The following ODAD2 variants were observed in gnomAD, a reference collection of about 807,000 sequenced individuals.
ODAD2 encodes outer dynein arm-docking complex subunit 2.
Under a neutral mutation model 106.8 loss-of-function variants are expected in ODAD2, and 89 were observed. The observed-to-expected ratio is 0.83, with a 90% CI of 0.70 to 0.99. The LOEUF is 0.99. Among genes scored for constraint, ODAD2 ranks in the 50% least tolerant of loss-of-function variants. The probability of loss-of-function intolerance (pLI) is 0.00; values close to 1 mark genes in which losing one functional copy is unlikely to be tolerated. For missense variants in ODAD2, 1,168 were observed against 1,238.5 expected (o/e 0.94, Z 0.85); for synonymous variants, 404 against 436.2 (o/e 0.93, Z 0.92).
chr10:27,912,720 T>C (rs1267320952), intron 16 of ODAD2, among the ~76,000 whole-genome samples: 7 of 152,212 alleles, frequency 4.6e-5, no homozygotes, highest in Non-Finnish European at 1.5e-5. Context: ...TAAGTGTGGT[T>C]TGCTTAAAAG....
intron 19 of ODAD2, among the ~76,000 whole-genome samples, chr10:27,823,855 T>C (rs1564398192): frequency 6.8e-6 from 1 of 146,610 alleles, no homozygotes. Flanking sequence ...ATAAAAATAG[T>C]TCAGGCCGGG....
intron 19 of ODAD2, among the ~76,000 whole-genome samples, chr10:27,835,010 C>A (rs1029928524): frequency 6.6e-6 from 1 of 152,202 alleles, no homozygotes; most frequent in Admixed American, 6.5e-5. Flanking sequence ...CCAGGCCCGA[C>A]AGAACACACA....
intron 18 of ODAD2, among the ~76,000 whole-genome samples, chr10:27,861,235 A>C (rs1840020533): frequency 1.3e-5 from 2 of 152,102 alleles, no homozygotes. Flanking sequence ...CAAGTGATCC[A>C]CTCACTTTGG....
chr10:27,990,172 A>G (rs189120955), intron 2 of ODAD2, among the ~76,000 whole-genome samples: 10 of 152,006 alleles, frequency 6.6e-5, no homozygotes, highest in Non-Finnish European at 1.3e-4. Flanking sequence ...TTAAGAGACA[A>G]GATCTTGCTC....
intron 10 of ODAD2, among the ~76,000 whole-genome samples, chr10:27,950,386 T>G (rs1847247263): frequency 6.6e-6 from 1 of 152,108 alleles, no homozygotes; most frequent in African/African-American, 2.4e-5. Context: ...GCAAATCTAT[T>G]TTACACTGAT....
intron 3 of ODAD2, among the ~76,000 whole-genome samples, chr10:27,987,161 A>AGGTAGC (rs932429095): frequency 7.9e-5 from 12 of 152,240 alleles, no homozygotes; most frequent in Non-Finnish European, 1.3e-4. Context: ...ACCAGTGGTA[A>AGGTAGC]GGTAGCAGGC....
At chr10:27,928,202 C>T (rs1845385635) in intron 16 of ODAD2, among the ~76,000 whole-genome samples, 1 of 152,086 alleles carries the variant, frequency 6.6e-6, no homozygotes, top group Non-Finnish European at 1.5e-5. Flanking sequence ...CAACCATCTT[C>T]TACCAGTAAG....
At chr10:27,985,439 TA>T (rs1163376868) in intron 3 of ODAD2, among the ~76,000 whole-genome samples, 1 of 152,232 alleles carries the variant, frequency 6.6e-6, no homozygotes, top group East Asian at 1.9e-4. Flanking sequence ...ACATCATCTA[TA>T]TATCTCCCTA....
At position 27,862,597 on chromosome 10, in the gene ODAD2, A is replaced by C. The variant is rs1564439886; in HGVS notation, c.2636T>G (p.Phe879Cys). The C allele has an allele frequency of 6.2e-7, 1 of 1,608,948 alleles. No individual in the cohort carries two copies. The highest frequency in any genetic ancestry group is 1.7e-5 in the Admixed American group (1 of 59,014). The stretch of plus-strand genomic sequence containing the variant: ...GACAATAAGTTCCAAACCACCAACA[A>C]AGGAACGAACCATTTCCCCAGCATC... Reference protein sequence around the residue: ...AKDAGEMVRSFVGGLELIVNL... With the variant: ...AKDAGEMVRSCVGGLELIVNL... Residue 879 changes from phenylalanine to cysteine, a missense_variant, in exon 18 of 20, where the codon TTT becomes TGT. Phe to Cys is a radical substitution (Grantham distance 205). Transcript: ENST00000305242.
intron 16 of ODAD2, among the ~76,000 whole-genome samples, chr10:27,924,025 G>GAAAGAAAGAAA (rs1564509522): frequency 4.2e-4 from 25 of 59,964 alleles, no homozygotes; most frequent in Non-Finnish European, 6.9e-4. Flanking sequence ...AAAGAAAGAA[G>GAAAGAAAGAAA]GAAAGAGAAA....
chr10:27,953,135 T>C (rs567366142), intron 10 of ODAD2, among the ~76,000 whole-genome samples: 21 of 152,310 alleles, frequency 1.4e-4, no homozygotes, highest in African/African-American at 4.8e-4. Flanking sequence ...CCTGAAAACA[T>C]GTCCTTTGTC....
intron 10 of ODAD2, among the ~76,000 whole-genome samples, chr10:27,953,889 G>A (rs1847536726): frequency 6.6e-6 from 1 of 152,134 alleles, no homozygotes; most frequent in Non-Finnish European, 1.5e-5. Context: ...TATGTCCTGT[G>A]TCACAGAAAC....
At chr10:27,888,274 C>T (rs532612758) in intron 17 of ODAD2, among the ~76,000 whole-genome samples, 2 of 152,210 alleles carry the variant, frequency 1.3e-5, no homozygotes, top group South Asian at 2.1e-4. Flanking sequence ...TTTACATTCC[C>T]ACCAACAGTG....
intron 10 of ODAD2, among the ~76,000 whole-genome samples, chr10:27,960,952 TCC>T (rs1848095875): frequency 6.6e-6 from 1 of 152,194 alleles, no homozygotes; most frequent in Admixed American, 6.5e-5. Flanking sequence ...CCCCTTGCCC[TCC>T]TGCAAATTCA....
At chr10:27,986,752 G>T (rs1357889331) in intron 3 of ODAD2, among the ~76,000 whole-genome samples, 2 of 151,940 alleles carry the variant, frequency 1.3e-5, no homozygotes, top group South Asian at 2.1e-4. Context: ...ATTATAGCAG[G>T]CAACCACATT....
rs980214213 is a variant in ODAD2 at position 27,859,678 on chromosome 10, C to T, written c.3021+947G>A. Among the ~76,000 whole-genome samples the T allele has an allele frequency of 2.0e-5, 3 of 152,166 alleles. No homozygotes were observed. The East Asian group carries it at 5.8e-4, about 29-fold the overall frequency. On this transcript the variant is annotated intron_variant, in intron 19 of 19. Coordinates refer to ENST00000305242, the MANE Select transcript of ODAD2 (RefSeq NM_018076.5). Reference sequence around the variant, plus strand: ...CAAGGAAACAGGCTATAGAAAAGAACTAATATTTTAAATCAATTTTTCCTA... The same window carrying T: ...CAAGGAAACAGGCTATAGAAAAGAATTAATATTTTAAATCAATTTTTCCTA...
At chr10:27,959,522 A>G (rs567103964) in intron 10 of ODAD2, among the ~76,000 whole-genome samples, 1 of 152,250 alleles carries the variant, frequency 6.6e-6, no homozygotes, top group South Asian at 2.1e-4. Context: ...CGTGCGTGCC[A>G]GTCTGGACCA....
At chr10:27,947,066 C>G (rs1312360325) in intron 10 of ODAD2, among the ~76,000 whole-genome samples, 3 of 152,132 alleles carry the variant, frequency 2.0e-5, no homozygotes, top group Non-Finnish European at 4.4e-5. Flanking sequence ...TTACTATTTA[C>G]TAATAAGTCA....
intron 8 of ODAD2, among the ~76,000 whole-genome samples, chr10:27,970,899 G>C (rs1400805226): frequency 6.6e-6 from 1 of 152,012 alleles, no homozygotes; most frequent in Admixed American, 6.6e-5. Flanking sequence ...TTGAACTCAG[G>C]AGGCAGAAGT....
Sources: allele counts gnomAD v4.1 joint callset (sites outside exome capture counted in the v4.1 genomes callset), GRCh38; gene constraint gnomAD v4.1.1; transcripts MANE v1.5; gene names NCBI Gene and HGNC (gene_info 2026-07-23, HGNC 2026-07-21).